The following IFT74 variants were observed in gnomAD, a reference collection of about 807,000 sequenced individuals.
The protein encoded by IFT74 is intraflagellar transport 74.
Under a neutral mutation model 96.7 loss-of-function variants are expected in IFT74, and 92 were observed. The ratio of observed to expected loss-of-function variants is 0.95; its 90% CI spans 0.80 to 1.13. The LOEUF (loss-of-function observed/expected upper bound fraction) is 1.13. IFT74 is among the 50% of genes most tolerant of loss of function. IFT74 has a pLI of 0.00. For synonymous variants in IFT74, 223 were observed against 213.2 expected (o/e 1.05, Z -0.40); for missense variants, 811 against 698.2 (o/e 1.16, Z -1.82).
chr9:26,984,062 G>T, intron 4 of IFT74, 195 bp from the exon 5 acceptor site: 1 of 385,206 alleles, frequency 2.6e-6, no homozygotes, highest in East Asian at 6.5e-5. Flanking sequence ...GGGATTACAG[G>T]CTTGACCCAC....
chr9:27,047,312 C>G lies in IFT74; in HGVS notation c.1147C>G (p.Leu383Val). ...ETFEETKNQE[L>V]KRKAQIEANI... ...TTTTGAGGAAACAAAGAATCAGGAACTGAAACGAAAGGCACAGATAGAAGC... is the reference window on the plus strand; with the variant it reads ...TTTTGAGGAAACAAAGAATCAGGAAGTGAAACGAAAGGCACAGATAGAAGC... Residue 383 changes from leucine to valine, a missense_variant, in exon 15 of 20, where the codon CTG becomes GTG. Transcript: ENST00000380062. 1 of 1,613,250 alleles carries G rather than the reference C, an allele frequency of 6.2e-7. No individual in the cohort carries two copies. Among genetic ancestry groups the G allele is most frequent in the Non-Finnish European group, 8.5e-7 (1 of 1,179,372 alleles).
chr9:26,964,283 G>A (rs1826505288), intron 2 of IFT74, among the ~76,000 whole-genome samples: 1 of 141,652 alleles, frequency 7.1e-6, no homozygotes, highest in Non-Finnish European at 1.5e-5. Flanking sequence ...TAGATATACG[G>A]CGTTATTTCT....
intron 8 of IFT74, among the ~76,000 whole-genome samples, chr9:27,002,022 TC>T (rs1223023476): frequency 6.6e-6 from 1 of 152,046 alleles, no homozygotes; most frequent in Non-Finnish European, 1.5e-5. Flanking sequence ...TGGGGGGTCC[TC>T]AGGAAACTTA....
intron 2 of IFT74, among the ~76,000 whole-genome samples, chr9:26,968,097 C>T (rs796604653): frequency 1.3e-4 from 18 of 140,920 alleles, no homozygotes; most frequent in Admixed American, 3.6e-4. Flanking sequence ...CAGGATAATA[C>T]TGGTCTTGTA....
At chr9:26,953,418 CAT>C (rs1046169230), upstream of IFT74, among the ~76,000 whole-genome samples, 46 of 152,210 alleles carry the variant, frequency 3.0e-4, no homozygotes, top group African/African-American at 7.5e-4. Context: ...TGGACATCAG[CAT>C]ATGTCATTTA....
chr9:27,025,257 A>C (rs942629035), intron 12 of IFT74, among the ~76,000 whole-genome samples: 17 of 151,988 alleles, frequency 1.1e-4, no homozygotes, highest in Admixed American at 1.1e-3. Flanking sequence ...AGCCTGGCCA[A>C]TAAGGTAAAA....
rs192683887 is a variant in IFT74 at position 27,051,043 on chromosome 9, T to C, written c.1333+2769T>C. Among the ~76,000 whole-genome samples, 1,060 of 152,264 alleles carry C rather than the reference T, an allele frequency of 7.0e-3. 5 individuals are homozygous for C. The highest frequency in any genetic ancestry group is 0.01 in the Non-Finnish European group (699 of 68,012). The stretch of plus-strand genomic sequence containing the variant: ...TTAATTATCCTACCTAGTGTGACTA[T>C]TTATGCTTTTTGCTATAGAAATATT... On this transcript the variant is annotated intron_variant, in intron 16 of 19. Transcript: ENST00000380062.
intron 4 of IFT74, chr9:26,984,035 C>T (rs1435493798): frequency 3.6e-5 from 11 of 307,332 alleles, no homozygotes; most frequent in East Asian, 9.2e-5. Flanking sequence ...GCGCCTGCCT[C>T]GGCCTCCCAA....
intron 8 of IFT74, among the ~76,000 whole-genome samples, chr9:27,006,609 A>G (rs1828791275): frequency 6.9e-6 from 1 of 144,362 alleles, no homozygotes; most frequent in Admixed American, 6.9e-5. Flanking sequence ...GAAAGACAGA[A>G]AGAGGGAGAG....
At chr9:27,015,454 T>C (rs560399785) in intron 10 of IFT74, among the ~76,000 whole-genome samples, 1 of 152,166 alleles carries the variant, frequency 6.6e-6, no homozygotes, top group South Asian at 2.1e-4. Context: ...ATGGCCAACA[T>C]GGTGAAACCC....
chr9:27,055,468 A>G (rs1016166772), intron 16 of IFT74, 141 bp from the exon 17 acceptor site: 9 of 566,600 alleles, frequency 1.6e-5, no homozygotes, highest in African/African-American at 1.4e-4. Flanking sequence ...CTTAGTTTAT[A>G]TTATCTCACT....
intron 13 of IFT74, among the ~76,000 whole-genome samples, chr9:27,029,966 G>C (rs1830046639): frequency 6.6e-6 from 1 of 151,940 alleles, no homozygotes; most frequent in South Asian, 2.1e-4. Flanking sequence ...ACTAATGCAG[G>C]TACCAGAACA....
At chr9:27,059,629 G>A (rs1820327480) in intron 18 of IFT74, among the ~76,000 whole-genome samples, 1 of 152,168 alleles carries the variant, frequency 6.6e-6, no homozygotes, top group Non-Finnish European at 1.5e-5. Flanking sequence ...GTCTGGGGGA[G>A]ATTGATGTGA....
At chr9:27,002,369 GC>G (rs1828544063) in intron 8 of IFT74, among the ~76,000 whole-genome samples, 2 of 152,216 alleles carry the variant, frequency 1.3e-5, no homozygotes, top group Non-Finnish European at 2.9e-5. Context: ...GTGAAGGTGG[GC>G]TGAGTCCGAA....
chr9:26,974,847 C>T (rs1354163916), intron 2 of IFT74, among the ~76,000 whole-genome samples: 2 of 152,168 alleles, frequency 1.3e-5, no homozygotes, highest in Non-Finnish European at 2.9e-5. Flanking sequence ...TCAAACTTTG[C>T]ACCTCTGAAC....
At position 26,980,595 on chromosome 9, in the gene IFT74, A is replaced by T; in HGVS notation, c.281A>T (p.Lys94Ile). 5.6e-6 allele frequency: 9 copies of T among 1,606,834 alleles called. No individual in the cohort carries two copies. Among genetic ancestry groups the T allele is most frequent in the Non-Finnish European group, 7.7e-6 (9 of 1,173,712 alleles). ...TKGPQRQILD[K>I]SYYLGLLRSK... ...GGTCCCCAGAGGCAAATTTTAGACA[A>T]ATCTTACTATCTTGGGCTTCTTAGG... Residue 94 changes from lysine to isoleucine, a missense_variant, in exon 4 of 20, where the codon AAA becomes ATA. Physicochemically the swap from Lys to Ile is moderately radical, Grantham distance 102. Transcript: ENST00000380062.
intron 11 of IFT74, 104 bp from the exon 12 acceptor site, chr9:27,018,543 A>T (rs956115969): frequency 3.8e-6 from 2 of 523,518 alleles, no homozygotes; most frequent in African/African-American, 3.9e-5. Context: ...AAGAGAGTAG[A>T]TTTGACACTT....
intron 16 of IFT74, among the ~76,000 whole-genome samples, chr9:27,052,507 CAAAAAAAAAAA>C (rs1187027414): frequency 3.5e-5 from 2 of 57,204 alleles, no homozygotes; most frequent in Non-Finnish European, 7.1e-5. Flanking sequence ...AAATCTATCT[CAAAAAAAAAAA>C]AAAAAAAAAA....
At chr9:26,980,878 C>A (rs1827344705) in intron 4 of IFT74, among the ~76,000 whole-genome samples, 1 of 151,880 alleles carries the variant, frequency 6.6e-6, no homozygotes, top group Non-Finnish European at 1.5e-5. Flanking sequence ...CTATATTTTC[C>A]CTCAGTTTGT....
Sources: gnomAD v4.1 joint callset for allele counts (sites outside exome capture counted in the v4.1 genomes callset) on GRCh38, gnomAD v4.1.1 for gene constraint, MANE v1.5 for transcripts, NCBI Gene and HGNC (gene_info 2026-07-23, HGNC 2026-07-21) for gene names.